PPFIA2: variants seen among roughly 807,000 people sequenced by gnomAD.
PPFIA2 encodes the protein liprin-alpha-2.
A neutral mutation model predicts 175.5 loss-of-function variants in PPFIA2; 46 were observed. That is an observed-to-expected ratio of 0.26 (90% CI 0.21 to 0.34). The LOEUF (loss-of-function observed/expected upper bound fraction) is 0.34. PPFIA2 is among the 10% of genes least tolerant of loss of function. The pLI is 1.00. For missense variants in PPFIA2, 1,179 were observed against 1,506.1 expected, an observed-to-expected ratio of 0.78 and a Z score of 3.60; for synonymous variants, 568 against 511.4, an observed-to-expected ratio of 1.11 and a Z score of -1.49.
At chr12:81,630,163 C>T (rs1334289653) in intron 4 of PPFIA2, among the ~76,000 whole-genome samples, 2 of 152,122 alleles carry the variant, frequency 1.3e-5, no homozygotes, top group Non-Finnish European at 2.9e-5. Context: ...GCCTGGCTAA[C>T]GCTATGATTT....
At chr12:81,573,343 T>C (rs904018786) in intron 4 of PPFIA2, among the ~76,000 whole-genome samples, 1 of 151,902 alleles carries the variant, frequency 6.6e-6, no homozygotes, top group East Asian at 1.9e-4. Flanking sequence ...TCTGCAGCGG[T>C]GAGAAAATAG....
At chr12:81,603,030 C>A (rs1390442544) in intron 4 of PPFIA2, among the ~76,000 whole-genome samples, 1 of 151,754 alleles carries the variant, frequency 6.6e-6, no homozygotes, top group Non-Finnish European at 1.5e-5. Context: ...CTTTAAACAT[C>A]ATTTCTAATC....
intron 7 of PPFIA2, chr12:81,417,183 T>C (rs1359950914): frequency 6.6e-6 from 1 of 151,740 alleles, no homozygotes; most frequent in African/African-American, 2.4e-5. Context: ...GAACTAACAT[T>C]CTGCTTTAAT....
chr12:81,260,571 TA>T (rs1422041835), intron 32 of PPFIA2: 1 of 152,178 alleles, frequency 6.6e-6, no homozygotes, highest in Non-Finnish European at 1.5e-5. Flanking sequence ...TTATATACCA[TA>T]ATTAAAATTT....
At position 81,423,884 on chromosome 12, in the gene PPFIA2, A is replaced by C. The variant is rs116597187; in HGVS notation, c.645+16088T>G. ...TAACTAATATCTATTTTAACTAATA[A>C]ACAAAACAGTAAAGTTGCAGAATAC... On this transcript the variant is annotated intron_variant, in intron 7 of 32. Transcript: ENST00000549396. Among the ~76,000 whole-genome samples, 591 of 152,268 alleles carry C rather than the reference A, an allele frequency of 3.9e-3. 4 individuals are homozygous for C. Among genetic ancestry groups the C allele is most frequent in the African/African-American group, 0.013 (550 of 41,564 alleles).
chr12:81,313,373 T>G (rs2139224412), intron 22 of PPFIA2, among the ~76,000 whole-genome samples: 1 of 152,232 alleles, frequency 6.6e-6, no homozygotes, highest in East Asian at 1.9e-4. Flanking sequence ...AAGAAAAGAT[T>G]GATGTGCAAT....
intron 8 of PPFIA2, among the ~76,000 whole-genome samples, chr12:81,385,436 G>A (rs137992682): frequency 6.6e-6 from 1 of 152,256 alleles, no homozygotes; most frequent in East Asian, 1.9e-4. Flanking sequence ...CAATAGCCAA[G>A]AAACGGAATC....
chr12:81,272,880 A>C (rs547686104), intron 28 of PPFIA2, among the ~76,000 whole-genome samples: 8 of 152,326 alleles, frequency 5.3e-5, no homozygotes, highest in South Asian at 4.1e-4. Flanking sequence ...AAAGCTTAGG[A>C]ATCTCCTTCA....
In PPFIA2 at chr12:81,341,129, G is replaced by C. The variant is rs2057980193; in HGVS notation, c.2342C>G (p.Ala781Gly). ...AGGGAGAGTGTGAGTCATTCTGAGG[G>C]CTCTAGGGGTAGGAGGAGGAGAAGT... ...CETSPPPTPRALRMTHTLPSS... is the reference protein window; with the variant it reads ...CETSPPPTPRGLRMTHTLPSS... Residue 781 changes from alanine (A) to glycine (G), a missense_variant, in exon 20 of 33, where the codon GCC becomes GGC. Transcript: ENST00000549396. The C allele has an allele frequency of 6.2e-7, 1 of 1,611,210 alleles. No homozygotes were observed. Among genetic ancestry groups the C allele is most frequent in the Non-Finnish European group, 8.5e-7 (1 of 1,177,806 alleles).
At chr12:81,412,335 C>CAAAAA (rs35342063) in intron 7 of PPFIA2, among the ~76,000 whole-genome samples, 1 of 96,198 alleles carries the variant, frequency 1.0e-5, no homozygotes, top group African/African-American at 3.4e-5. Flanking sequence ...GTTAAGGAGG[C>CAAAAA]AAAAAAAAAA....
chr12:81,405,115 C>A (rs1823821099), intron 8 of PPFIA2, among the ~76,000 whole-genome samples: 1 of 152,114 alleles, frequency 6.6e-6, no homozygotes, highest in South Asian at 2.1e-4. Context: ...GCACAGACAC[C>A]TTTTGTCTTT....
Position 81,642,722 on chromosome 12 carries a change from TACA to T in PPFIA2, c.303+34066_303+34068del, listed in dbSNP as rs1239620060. 6.6e-4 allele frequency among the ~76,000 whole-genome samples: 76 copies of T among 114,990 alleles called. 32 individuals are homozygous for T. Among genetic ancestry groups the T allele is most frequent in the East Asian group, 4.6e-3 (19 of 4,116 alleles). 75.4% of individuals were successfully genotyped at this position (114,990 alleles called of 152,430 possible). A position where few individuals can be genotyped will look rare whatever the true frequency, so the allele number is the denominator to read the frequency against. ...CATGTATATGTATGTATGTATTATA[TACA>T]TACATGTATATGTATGTATGTATTA... On this transcript the variant is annotated intron_variant, in intron 4 of 32. Coordinates refer to ENST00000549396, the MANE Select transcript of PPFIA2 (RefSeq NM_003625.5).
chr12:81,594,519 G>A (rs1273211712), intron 4 of PPFIA2, among the ~76,000 whole-genome samples: 1 of 152,086 alleles, frequency 6.6e-6, no homozygotes, highest in Non-Finnish European at 1.5e-5. Context: ...GTTTTGTTTT[G>A]TATGTGATAG....
intron 6 of PPFIA2, among the ~76,000 whole-genome samples, chr12:81,445,221 G>GGA (rs1392952193): frequency 3.1e-5 from 2 of 65,270 alleles, no homozygotes; most frequent in African/African-American, 1.4e-4. Flanking sequence ...GGGGGGGAGG[G>GGA]GGGAGAGAGA....
intron 4 of PPFIA2, among the ~76,000 whole-genome samples, chr12:81,540,725 T>C (rs1472998259): frequency 1.3e-5 from 2 of 152,024 alleles, no homozygotes; most frequent in African/African-American, 4.8e-5. Flanking sequence ...ACTTAAATAA[T>C]TAAGTATCTA....
At chr12:81,262,429 T>C (rs2035910327) in intron 31 of PPFIA2, among the ~76,000 whole-genome samples, 1 of 152,192 alleles carries the variant, frequency 6.6e-6, no homozygotes. Context: ...TTCGCTGACA[T>C]GTTCCACCGT....
chr12:81,347,091 C>T (rs2059195695), intron 18 of PPFIA2, among the ~76,000 whole-genome samples: 2 of 149,996 alleles, frequency 1.3e-5, no homozygotes. Context: ...CACCACCACA[C>T]CCAGCTAATT....
At chr12:81,292,411 C>A (rs1400289609) in intron 24 of PPFIA2, 1 of 152,062 alleles carries the variant, frequency 6.6e-6, no homozygotes, top group Non-Finnish European at 1.5e-5. Flanking sequence ...TCTGCCACTG[C>A]CACTCCTGAG....
chr12:81,553,032 C>G (rs568476097), intron 4 of PPFIA2, among the ~76,000 whole-genome samples: 96 of 151,768 alleles, frequency 6.3e-4, no homozygotes, highest in Non-Finnish European at 1.1e-3. Context: ...TTTTTTTTCC[C>G]CCTAATGAAA....
Sources: allele counts gnomAD v4.1 joint callset (sites outside exome capture counted in the v4.1 genomes callset), GRCh38; gene constraint gnomAD v4.1.1; transcripts MANE v1.5; gene names NCBI Gene and HGNC (gene_info 2026-07-23, HGNC 2026-07-21).